RMDN2: variants seen among roughly 807,000 people sequenced by gnomAD.
The protein encoded by RMDN2 is regulator of microtubule dynamics 2, also known as regulator of microtubule dynamics protein 2.
RMDN2 carries 61 observed loss-of-function variants against 52.8 expected under a neutral mutation model. The observed-to-expected ratio is 1.16, with a 90% CI of 0.94 to 1.43. RMDN2 has a LOEUF of 1.43. Among genes scored for constraint, RMDN2 ranks in the 40% most tolerant of loss-of-function variants. RMDN2 has a pLI of 0.00. For missense variants in RMDN2, 592 were observed against 475.3 expected (o/e 1.25, Z -2.28); for synonymous variants, 180 against 153.1 (o/e 1.18, Z -1.30).
At position 38,007,766 on chromosome 2, in the gene RMDN2, C is replaced by G. The variant is rs535648818; in HGVS notation, c.1179+3550C>G. Among the ~76,000 whole-genome samples the G allele has an allele frequency of 2.0e-5, 3 of 152,128 alleles. No homozygotes were observed. In the South Asian group the frequency reaches 6.2e-4, roughly 32 times the overall value. On this transcript the variant is annotated intron_variant, in intron 10 of 10. Transcript: ENST00000354545. ...CTGCTAGCTTTTGAATGTGTTTACTCTTGCTTCTCTAGTTCTTTTAATTGT... is the reference window on the plus strand; with the variant it reads ...CTGCTAGCTTTTGAATGTGTTTACTGTTGCTTCTCTAGTTCTTTTAATTGT...
At chr2:37,952,584 A>G (rs1232492200) in intron 2 of RMDN2, 2 of 303,334 alleles carry the variant, frequency 6.6e-6, no homozygotes, top group African/African-American at 4.3e-5. Flanking sequence ...CCCTTTTATC[A>G]TACTCTAATC....
At chr2:38,066,012 A>G (rs915458851) in intron 10 of RMDN2, among the ~76,000 whole-genome samples, 1 of 152,206 alleles carries the variant, frequency 6.6e-6, no homozygotes, top group African/African-American at 2.4e-5. Context: ...GGACTACCCT[A>G]TAAATCCAAA....
chr2:38,020,191 A>T (rs994187857), downstream of RMDN2, among the ~76,000 whole-genome samples: 3 of 152,104 alleles, frequency 2.0e-5, no homozygotes, highest in African/African-American at 7.2e-5. Flanking sequence ...TATTTCTATT[A>T]TTATTACAGT....
intron 2 of RMDN2, among the ~76,000 whole-genome samples, chr2:37,933,701 C>T (rs1281916869): frequency 6.6e-6 from 1 of 152,160 alleles, no homozygotes; most frequent in Non-Finnish European, 1.5e-5. Flanking sequence ...AGGGAGGTTG[C>T]AGTGAGCCGA....
intron 10 of RMDN2, among the ~76,000 whole-genome samples, chr2:38,058,797 T>C (rs1681935987): frequency 6.6e-6 from 1 of 152,228 alleles, no homozygotes; most frequent in African/African-American, 2.4e-5. Context: ...ACTGGAGATG[T>C]TGGCTCCTCT....
intron 10 of RMDN2, among the ~76,000 whole-genome samples, chr2:38,006,595 A>G (rs1677120972): frequency 6.6e-6 from 1 of 152,142 alleles, no homozygotes; most frequent in Non-Finnish European, 1.5e-5. Context: ...CAGCTTAAGG[A>G]GATTTTGGGC....
At chr2:37,988,540 G>C (rs1241491668) in intron 5 of RMDN2, among the ~76,000 whole-genome samples, 2 of 152,170 alleles carry the variant, frequency 1.3e-5, no homozygotes, top group Non-Finnish European at 2.9e-5. Context: ...GTTATCGTTT[G>C]TGTCTAGGAA....
At chr2:37,957,541 T>A (rs1187484484) in intron 2 of RMDN2, among the ~76,000 whole-genome samples, 1 of 152,236 alleles carries the variant, frequency 6.6e-6, no homozygotes, top group Non-Finnish European at 1.5e-5. Flanking sequence ...ATTCTTGATA[T>A]TAGCCCTTTG....
chr2:37,964,073 G>A (rs1042492666), intron 2 of RMDN2, among the ~76,000 whole-genome samples: 5 of 151,862 alleles, frequency 3.3e-5, no homozygotes, highest in Admixed American at 6.5e-5. Flanking sequence ...CGGCTGCCGG[G>A]CGGAGGCGCT....
At chr2:37,996,442 T>A (rs923884708) in intron 7 of RMDN2, among the ~76,000 whole-genome samples, 3 of 151,644 alleles carry the variant, frequency 2.0e-5, no homozygotes, top group African/African-American at 7.3e-5. Context: ...AAAAATTAAT[T>A]GAGCATGTGA....
chr2:37,930,821 C>G (rs1666672549), intron 2 of RMDN2, among the ~76,000 whole-genome samples: 1 of 152,170 alleles, frequency 6.6e-6, no homozygotes, highest in African/African-American at 2.4e-5. Context: ...GGAGGAGGTG[C>G]TAGCAGAGTG....
Position 37,974,191 on chromosome 2 carries a change from C to G in RMDN2, c.604C>G (p.Leu202Val). ...GTCTGGCAAGTCGGAGAGTTTTGAA[C>G]TACTTCGTGACCACAAAGAAAAGGT... ...SESGKSESFELLRDHKEKFRD... is the reference protein window; with the variant it reads ...SESGKSESFEVLRDHKEKFRD... The change falls in exon 3 of 11, where the codon CTA becomes GTA. Residue 202 changes from leucine (L) to valine (V), a missense_variant. By Grantham distance (32) the Leu-to-Val change is conservative (BLOSUM62 1). Transcript: ENST00000354545. The G allele has an allele frequency of 1.2e-6, 2 of 1,612,268 alleles. No individual in the cohort carries two copies. Among genetic ancestry groups the G allele is most frequent in the Non-Finnish European group, 1.7e-6 (2 of 1,179,242 alleles).
At chr2:37,960,580 C>G (rs1485231752) in intron 2 of RMDN2, among the ~76,000 whole-genome samples, 1 of 152,100 alleles carries the variant, frequency 6.6e-6, no homozygotes, top group Non-Finnish European at 1.5e-5. Context: ...ACCAATGGGT[C>G]TTGACTCTTT....
chr2:38,029,652 A>G (rs1161195508), intron 10 of RMDN2: 1 of 150,450 alleles, frequency 6.6e-6, no homozygotes, highest in African/African-American at 2.4e-5. Context: ...CTACCCTCAG[A>G]TATGATGTGA....
chr2:38,058,576 A>G (rs1288447884), intron 10 of RMDN2, among the ~76,000 whole-genome samples: 1 of 152,208 alleles, frequency 6.6e-6, no homozygotes, highest in Non-Finnish European at 1.5e-5. Context: ...AGCAGAACCC[A>G]TAGAACATAA....
chr2:37,950,261 G>A (rs1668611114), intron 2 of RMDN2: 11 of 477,496 alleles, frequency 2.3e-5, no homozygotes, highest in Middle Eastern at 5.7e-4. Context: ...TGTCATATAT[G>A]TTATTGTCCT....
chr2:37,933,751 G>A (rs1176323220), intron 2 of RMDN2, among the ~76,000 whole-genome samples: 2 of 152,084 alleles, frequency 1.3e-5, no homozygotes, highest in African/African-American at 4.8e-5. Context: ...CGGCATCAGA[G>A]GGAGACCGTG....
At chr2:37,926,808 C>T (rs543495204) in intron 1 of RMDN2, among the ~76,000 whole-genome samples, 22 of 152,268 alleles carry the variant, frequency 1.4e-4, no homozygotes, top group Non-Finnish European at 2.5e-4. Context: ...TGGTTGCCCA[C>T]GCTTGTGGTC....
intron 2 of RMDN2, among the ~76,000 whole-genome samples, chr2:37,947,735 C>G (rs1668337688): frequency 6.6e-6 from 1 of 152,152 alleles, no homozygotes; most frequent in African/African-American, 2.4e-5. Context: ...GTGCATTTTT[C>G]AATAGCTGAA....
Sources: allele counts gnomAD v4.1 joint callset (sites outside exome capture counted in the v4.1 genomes callset), GRCh38; gene constraint gnomAD v4.1.1; transcripts MANE v1.5; gene names NCBI Gene and HGNC (gene_info 2026-07-23, HGNC 2026-07-21).